The following PRKAR1B variants were observed in gnomAD, a reference collection of about 807,000 sequenced individuals.
The protein encoded by PRKAR1B is protein kinase cAMP-dependent type I regulatory subunit beta, also known as cAMP-dependent protein kinase type I-beta regulatory subunit.
Under a neutral mutation model 46.5 loss-of-function variants are expected in PRKAR1B, and 22 were observed. The ratio of observed to expected loss-of-function variants is 0.47; its 90% CI spans 0.34 to 0.68. The LOEUF is 0.68. PRKAR1B is among the 30% of genes least tolerant of loss of function. The pLI, the probability that PRKAR1B is intolerant of heterozygous loss-of-function variation, is 0.01. For synonymous variants in PRKAR1B, 259 were observed against 217.7 expected (o/e 1.19, Z -1.67); for missense variants, 445 against 535.6 (o/e 0.83, Z 1.67).
intron 3 of PRKAR1B, among the ~76,000 whole-genome samples, chr7:679,615 A>G (rs964562729): frequency 6.6e-6 from 1 of 152,208 alleles, no homozygotes; most frequent in African/African-American, 2.4e-5. Context: ...TCTGCAAGGT[A>G]AGAAGGTTCT....
intron 3 of PRKAR1B, among the ~76,000 whole-genome samples, chr7:679,233 G>A (rs1350414985): frequency 6.6e-6 from 1 of 152,050 alleles, no homozygotes; most frequent in Non-Finnish European, 1.5e-5. Flanking sequence ...AAGCCATGTC[G>A]ATACATGACA....
chr7:654,335 C>T (rs961370108), intron 4 of PRKAR1B, among the ~76,000 whole-genome samples: 1 of 139,736 alleles, frequency 7.2e-6, no homozygotes, highest in Non-Finnish European at 1.5e-5. Flanking sequence ...CATCACTATC[C>T]TCATCACCAT....
chr7:664,416 G>C (rs983531738), intron 4 of PRKAR1B, among the ~76,000 whole-genome samples: 1 of 152,182 alleles, frequency 6.6e-6, no homozygotes, highest in Non-Finnish European at 1.5e-5. Context: ...TTCCCTGCCC[G>C]GGGCAGTGGG....
chr7:656,130 T>C (rs1314377423), intron 4 of PRKAR1B, among the ~76,000 whole-genome samples: 1 of 152,142 alleles, frequency 6.6e-6, no homozygotes, highest in African/African-American at 2.4e-5. Flanking sequence ...CCAACCAGGA[T>C]TTACTGGATG....
At chr7:660,348 A>T (rs909268086) in intron 4 of PRKAR1B, among the ~76,000 whole-genome samples, 1 of 151,808 alleles carries the variant, frequency 6.6e-6, no homozygotes, top group Non-Finnish European at 1.5e-5. Flanking sequence ...GCCCCGCTCC[A>T]ACGGGTCCAA....
chr7:721,303 T>C (rs1299721275), intron 1 of PRKAR1B, among the ~76,000 whole-genome samples: 1 of 152,214 alleles, frequency 6.6e-6, no homozygotes, highest in Admixed American at 6.5e-5. Flanking sequence ...TCTATTTTTA[T>C]CCAGTCCATT....
At chr7:639,592 G>A (rs1229028492) in intron 4 of PRKAR1B, among the ~76,000 whole-genome samples, 3 of 152,262 alleles carry the variant, frequency 2.0e-5, no homozygotes, top group Admixed American at 6.5e-5. Flanking sequence ...GCTCACGCCT[G>A]TAATCCCAGC....
At chr7:691,480 G>GC (rs1217937811) in intron 2 of PRKAR1B, 1 of 1,303,446 alleles carries the variant, frequency 7.7e-7, no homozygotes, top group South Asian at 1.2e-5. Context: ...TGCAGGCAGG[G>GC]CCCCCCAGCG....
chr7:724,282 A>G (rs1028912039), intron 1 of PRKAR1B, among the ~76,000 whole-genome samples: 8 of 152,096 alleles, frequency 5.3e-5, no homozygotes, highest in African/African-American at 1.9e-4. Flanking sequence ...CTTGAATTGT[A>G]GCTCCCACAA....
At chr7:718,986 C>T (rs904944616) in intron 1 of PRKAR1B, among the ~76,000 whole-genome samples, 4 of 151,502 alleles carry the variant, frequency 2.6e-5, no homozygotes, top group African/African-American at 7.3e-5. Context: ...ATCCTCCCAC[C>T]CCAGCCTCCT....
chr7:680,749 G>T, intron 2 of PRKAR1B, 23 bp from the exon 3 acceptor site: 1 of 1,613,478 alleles, frequency 6.2e-7, no homozygotes, highest in Non-Finnish European at 8.5e-7. Flanking sequence ...GGAAAACACA[G>T]AAAGGAAGTA....
At chr7:622,561 C>T (rs749860143) in intron 4 of PRKAR1B, among the ~76,000 whole-genome samples, 1 of 152,052 alleles carries the variant, frequency 6.6e-6, no homozygotes, top group Non-Finnish European at 1.5e-5. Flanking sequence ...TTTCAACTCT[C>T]TATTTTGAAA....
Position 559,604 on chromosome 7 carries a change from C to T in PRKAR1B, c.892-8134G>A, listed in dbSNP as rs553004006. Among the ~76,000 whole-genome samples the T allele has an allele frequency of 4.6e-5, 7 of 152,250 alleles. No homozygotes were observed. The East Asian group carries it at 5.8e-4, about 13-fold the overall frequency. ...GACCAGAGACCGTCTGGACACCCCC[C>T]GGGAGGAGACACACTAGGAAGCCCA... is the stretch of plus-strand genomic sequence containing the variant. On this transcript the variant is annotated intron_variant, in intron 9 of 10. Transcript: ENST00000537384.
chr7:633,736 G>T (rs564690271), intron 4 of PRKAR1B, among the ~76,000 whole-genome samples: 1 of 152,174 alleles, frequency 6.6e-6, no homozygotes, highest in Non-Finnish European at 1.5e-5. Flanking sequence ...AGGTTCCTGA[G>T]GTGATTTAAA....
chr7:676,857 C>A (rs975301940), intron 4 of PRKAR1B, among the ~76,000 whole-genome samples: 29 of 150,058 alleles, frequency 1.9e-4, no homozygotes, highest in African/African-American at 6.6e-4. Flanking sequence ...TGGTGATTCC[C>A]GGGCAAGCAA....
intron 4 of PRKAR1B, among the ~76,000 whole-genome samples, chr7:612,009 G>A (rs958685462): frequency 2.6e-5 from 4 of 151,878 alleles, no homozygotes; most frequent in African/African-American, 7.3e-5. Flanking sequence ...ATGGATGGAC[G>A]GACAGGTGGG....
intron 4 of PRKAR1B, among the ~76,000 whole-genome samples, chr7:648,132 C>T (rs1028223875): frequency 3.3e-5 from 5 of 150,752 alleles, no homozygotes; most frequent in African/African-American, 4.9e-5. Flanking sequence ...GGCCACATAT[C>T]GAGACTCTAC....
chr7:727,996 C>T (rs1269474493), upstream of PRKAR1B, among the ~76,000 whole-genome samples: 7 of 151,978 alleles, frequency 4.6e-5, no homozygotes, highest in Non-Finnish European at 1.0e-4. Context: ...CTTTGAGACT[C>T]TGCTCTGGTC....
chr7:551,565 C>A (rs1221855250), intron 9 of PRKAR1B, 95 bp from the exon 10 acceptor site: 12 of 1,208,058 alleles, frequency 9.9e-6, no homozygotes, highest in Non-Finnish European at 1.4e-5. Flanking sequence ...ACCACCCAAA[C>A]CCCCACCTCC....
Sources: gnomAD v4.1 joint callset for allele counts (sites outside exome capture counted in the v4.1 genomes callset) on GRCh38, gnomAD v4.1.1 for gene constraint, MANE v1.5 for transcripts, NCBI Gene and HGNC (gene_info 2026-07-23, HGNC 2026-07-21) for gene names.